The following LRRC37A2 variants were observed in gnomAD, a reference collection of about 807,000 sequenced individuals.
LRRC37A2 encodes leucine-rich repeat-containing protein 37A2.
In LRRC37A2, 9 loss-of-function variants were observed where a neutral mutation model predicts 68.8. The observed-to-expected ratio is 0.13, with a 90% CI of 0.08 to 0.23. The LOEUF (loss-of-function observed/expected upper bound fraction) is 0.23. Ranked by LOEUF, LRRC37A2 falls within the 10% of genes least tolerant of loss-of-function variation. The pLI, the probability that LRRC37A2 is intolerant of heterozygous loss-of-function variation, is 1.00. For missense variants in LRRC37A2, 168 were observed against 950.4 expected, an observed-to-expected ratio of 0.18 and a Z score of 10.82; for synonymous variants, 63 against 367.6, an observed-to-expected ratio of 0.17 and a Z score of 9.48.
the LRRC37A2 span, chr17:46,875,499 C>T: frequency 2.4e-6 from 3 of 1,235,052 alleles, no homozygotes; most frequent in Non-Finnish European, 3.3e-6. Flanking sequence ...GCAGGATGAA[C>T]TTCACGTCTT....
the LRRC37A2 span, chr17:46,833,231 G>A: frequency 2.4e-6 from 1 of 418,132 alleles, no homozygotes; most frequent in Non-Finnish European, 4.8e-6. Flanking sequence ...GTGCGTGGAA[G>A]CTGGGCCTGA....
chr17:46,805,653 A>G, the LRRC37A2 span, among the ~76,000 whole-genome samples: 2 of 152,336 alleles, frequency 1.3e-5, no homozygotes, highest in Non-Finnish European at 2.9e-5. Context: ...TGGCAATCTA[A>G]GGCAGGAGGA....
At chr17:46,704,659 A>G in the LRRC37A2 span, 1 of 1,394,058 alleles carries the variant, frequency 7.2e-7, no homozygotes. Context: ...GTGTGAAAAT[A>G]TGCTTTTAAA....
chr17:46,888,993 T>A, the LRRC37A2 span, among the ~76,000 whole-genome samples: 1 of 152,090 alleles, frequency 6.6e-6, no homozygotes, highest in Non-Finnish European at 1.5e-5. Flanking sequence ...AGGTGCCTCT[T>A]AGCCCCTTAC....
the LRRC37A2 span, among the ~76,000 whole-genome samples, chr17:46,896,219 G>A: frequency 6.6e-6 from 1 of 151,266 alleles, no homozygotes; most frequent in Non-Finnish European, 1.5e-5. Context: ...ACTTGAACCC[G>A]GGAGACGGAG....
At chr17:46,988,664 AG>A in the LRRC37A2 span, among the ~76,000 whole-genome samples, 1 of 152,164 alleles carries the variant, frequency 6.6e-6, no homozygotes, top group Non-Finnish European at 1.5e-5. Flanking sequence ...TGAGGGGCTC[AG>A]GGTTGAACAT....
chr17:46,846,993 G>A, the LRRC37A2 span, among the ~76,000 whole-genome samples: 1 of 152,316 alleles, frequency 6.6e-6, no homozygotes, highest in East Asian at 1.9e-4. Flanking sequence ...AATGCTTAAA[G>A]TTCCACCATT....
chr17:46,671,815 G>A, the LRRC37A2 span, among the ~76,000 whole-genome samples: 6 of 136,994 alleles, frequency 4.4e-5, no homozygotes, highest in Non-Finnish European at 6.6e-5. Flanking sequence ...GTGTACAGAA[G>A]CATAGTTGCA....
chr17:46,866,421 C>T, the LRRC37A2 span, among the ~76,000 whole-genome samples: 45 of 151,306 alleles, frequency 3.0e-4, no homozygotes, highest in African/African-American at 1.0e-3. Flanking sequence ...AGTGTATGTG[C>T]GAGTATAGGT....
the LRRC37A2 span, among the ~76,000 whole-genome samples, chr17:46,860,260 G>A: frequency 2.0e-5 from 3 of 152,160 alleles, no homozygotes; most frequent in Middle Eastern, 3.2e-3. Flanking sequence ...AAGCGGGGCC[G>A]GCAGACTCCC....
the LRRC37A2 span, among the ~76,000 whole-genome samples, chr17:46,823,212 T>A: frequency 7.4e-6 from 1 of 135,166 alleles, no homozygotes; most frequent in South Asian, 2.2e-4. Flanking sequence ...ATATAATATA[T>A]TATATATTAT....
the LRRC37A2 span, chr17:46,984,103 A>G: frequency 1.3e-5 from 2 of 152,266 alleles, no homozygotes; most frequent in African/African-American, 2.4e-5. Flanking sequence ...GTGAGGATAC[A>G]GAGTGAAACA....
chr17:46,978,643 G>C, the LRRC37A2 span: 12 of 1,593,248 alleles, frequency 7.5e-6, no homozygotes, highest in Non-Finnish European at 1.0e-5. Flanking sequence ...CCCAGATGGC[G>C]CTCAGTACAG....
chr17:46,525,605 A>T lies in LRRC37A2; in HGVS notation c.2906+1721A>T, dbSNP rs1346919921. Reference sequence around the variant, plus strand: ...CTGTCTCAAATAATAATAATAATATAATAATAATAATCATCATCATCATCA... The same window carrying T: ...CTGTCTCAAATAATAATAATAATATTATAATAATAATCATCATCATCATCA... On this transcript the variant is annotated intron_variant, in intron 6 of 14. Transcript: ENST00000576629. 3.9e-4 allele frequency among the ~76,000 whole-genome samples: 46 copies of T among 116,734 alleles called. 3 individuals carry two copies. The highest frequency in any genetic ancestry group is 3.7e-3 in the South Asian group (10 of 2,680). The allele number at this position is 116,734 out of a possible 152,430, so 76.6% of individuals were successfully genotyped here.
At chr17:46,856,492 T>C in the LRRC37A2 span, among the ~76,000 whole-genome samples, 1 of 151,826 alleles carries the variant, frequency 6.6e-6, no homozygotes, top group Admixed American at 6.6e-5. Context: ...TTCTTTCTTT[T>C]TTTTTTTTTT....
chr17:46,840,028 TTTCTTTTC>T, the LRRC37A2 span, among the ~76,000 whole-genome samples: 3 of 140,508 alleles, frequency 2.1e-5, no homozygotes, highest in Non-Finnish European at 4.7e-5. Flanking sequence ...TCTTTCTTTC[TTTCTTTTC>T]TTTCTTTCTT....
the LRRC37A2 span, among the ~76,000 whole-genome samples, chr17:46,816,292 C>T: frequency 5.9e-5 from 9 of 152,114 alleles, no homozygotes; most frequent in African/African-American, 1.9e-4. Flanking sequence ...ATCACAGCAC[C>T]AGCCACTTGC....
At chr17:46,803,521 T>C in the LRRC37A2 span, among the ~76,000 whole-genome samples, 1 of 152,118 alleles carries the variant, frequency 6.6e-6, no homozygotes, top group Non-Finnish European at 1.5e-5. Context: ...AGTGCAAGAC[T>C]ATGTCTCAAG....
the LRRC37A2 span, among the ~76,000 whole-genome samples, chr17:46,771,318 G>A: frequency 3.3e-5 from 5 of 152,070 alleles, no homozygotes; most frequent in Admixed American, 6.5e-5. Flanking sequence ...GGTCCCAGCC[G>A]CGCCGCTCAC....
Sources: gnomAD v4.1 joint callset for allele counts (sites outside exome capture counted in the v4.1 genomes callset) on GRCh38, gnomAD v4.1.1 for gene constraint, MANE v1.5 for transcripts, NCBI Gene and HGNC (gene_info 2026-07-23, HGNC 2026-07-21) for gene names.